The following NTM variants were observed in gnomAD, a reference collection of about 807,000 sequenced individuals.
The protein encoded by NTM is IgLON family member 2.
NTM carries 13 observed loss-of-function variants against 42.1 expected under a neutral mutation model. That is an observed-to-expected ratio of 0.31 (90% CI 0.20 to 0.49). The LOEUF is 0.49. NTM is among the 20% of genes least tolerant of loss of function. NTM has a pLI of 0.99. For missense variants in NTM, 373 were observed against 452.8 expected, an observed-to-expected ratio of 0.82 and a Z score of 1.60; for synonymous variants, 187 against 179.2, an observed-to-expected ratio of 1.04 and a Z score of -0.35.
At chr11:131,892,817 G>C (rs1057305656) in intron 1 of NTM, among the ~76,000 whole-genome samples, 1 of 152,242 alleles carries the variant, frequency 6.6e-6, no homozygotes, top group Non-Finnish European at 1.5e-5. Flanking sequence ...AATCCACTGT[G>C]AAGCGGGGCA....
At chr11:131,613,707 G>A (rs1333803747) in intron 1 of NTM, among the ~76,000 whole-genome samples, 2 of 152,140 alleles carry the variant, frequency 1.3e-5, no homozygotes, top group Non-Finnish European at 2.9e-5. Context: ...ACTACTGAGA[G>A]GTGGAACCAG....
At chr11:132,009,535 A>G (rs545787806) in intron 2 of NTM, among the ~76,000 whole-genome samples, 1 of 152,356 alleles carries the variant, frequency 6.6e-6, no homozygotes, top group South Asian at 2.1e-4. Flanking sequence ...TGGCTGTGCC[A>G]TCCCGGCAGC....
At chr11:131,453,724 G>C (rs765587671) in intron 1 of NTM, among the ~76,000 whole-genome samples, 2 of 152,138 alleles carry the variant, frequency 1.3e-5, no homozygotes, top group South Asian at 2.1e-4. Flanking sequence ...CAGCTTCCAC[G>C]TCCATATGGA....
intron 4 of NTM, among the ~76,000 whole-genome samples, chr11:132,230,188 T>G (rs1368796807): frequency 1.3e-5 from 2 of 152,102 alleles, no homozygotes; most frequent in Non-Finnish European, 2.9e-5. Flanking sequence ...AAGGGATTGA[T>G]TGGAGGGGGA....
chr11:131,634,183 A>T (rs1241391099), intron 1 of NTM, among the ~76,000 whole-genome samples: 1 of 152,152 alleles, frequency 6.6e-6, no homozygotes, highest in Non-Finnish European at 1.5e-5. Flanking sequence ...ATATGTTATG[A>T]GTTGTAGATC....
chr11:131,546,021 A>C, intron 1 of NTM, among the ~76,000 whole-genome samples: 1 of 152,082 alleles, frequency 6.6e-6, no homozygotes, highest in Admixed American at 6.6e-5. Flanking sequence ...TACCTAATAC[A>C]CTGCTGTGGA....
chr11:131,374,322 C>A (rs1352006476), intron 1 of NTM, among the ~76,000 whole-genome samples: 3 of 152,224 alleles, frequency 2.0e-5, no homozygotes, highest in Non-Finnish European at 4.4e-5. Flanking sequence ...TCTGAGCATT[C>A]GCTCAAGCGT....
intron 1 of NTM, among the ~76,000 whole-genome samples, chr11:131,850,122 A>T (rs986841640): frequency 4.6e-5 from 7 of 151,840 alleles, no homozygotes; most frequent in African/African-American, 1.7e-4. Flanking sequence ...GTAGATGTAA[A>T]CACTTAATTA....
chr11:132,023,778 T>G lies in NTM; in HGVS notation c.167+112130T>G, dbSNP rs573804693. ...TTTGTTGTTGGTGGTGGTTTTGTTG[T>G]TGTTGGTGGTTTTGTTGTTGGTGGT... is the stretch of plus-strand genomic sequence containing the variant. On this transcript the variant is annotated intron_variant, in intron 2 of 8. Transcript: ENST00000683400. 7.2e-4 allele frequency among the ~76,000 whole-genome samples: 69 copies of G among 95,542 alleles called. 2 individuals carry two copies. The highest frequency in any genetic ancestry group is 2.2e-3 in the African/African-American group (61 of 27,494). The allele number at this position is 95,542 out of a possible 152,430, so 62.7% of individuals were successfully genotyped here.
intron 1 of NTM, among the ~76,000 whole-genome samples, chr11:131,792,091 A>G (rs11607134): frequency 0.16 from 24,277 of 152,146 alleles, 1,954 homozygotes; most frequent in East Asian, 0.26. Context: ...TCTGTTTTAA[A>G]TAACTTTCAA....
At chr11:131,943,586 C>G (rs1302668137) in intron 2 of NTM, among the ~76,000 whole-genome samples, 1 of 152,222 alleles carries the variant, frequency 6.6e-6, no homozygotes, top group Non-Finnish European at 1.5e-5. Context: ...CAGGCTGTCA[C>G]TTCTACTTCT....
At chr11:132,276,027 C>T (rs554999641) in intron 4 of NTM, among the ~76,000 whole-genome samples, 13 of 151,916 alleles carry the variant, frequency 8.6e-5, no homozygotes, top group African/African-American at 2.7e-4. Flanking sequence ...AACGACTGTT[C>T]TACTGTTTCT....
rs1207413076 is a variant in NTM, at chr11:131,500,741, C to G, written c.82+129853C>G. 9.6e-5 allele frequency among the ~76,000 whole-genome samples: 9 copies of G among 94,096 alleles called. No homozygotes were observed. In the East Asian group the frequency reaches 1.2e-3, roughly 12 times the overall value. The allele number at this position is 94,096 out of a possible 152,430, so 61.7% of individuals were successfully genotyped here. Reference sequence around the variant, plus strand: ...TAATGCTATCCCTCCCCCCTCCCCCCACCCCACAACAGGCCTCGGTGTATG... The same window carrying G: ...TAATGCTATCCCTCCCCCCTCCCCCGACCCCACAACAGGCCTCGGTGTATG... On this transcript the variant is annotated intron_variant, in intron 1 of 8. Coordinates refer to ENST00000683400, the MANE Select transcript of NTM (RefSeq NM_001352005.2).
intron 1 of NTM, among the ~76,000 whole-genome samples, chr11:131,547,545 T>TTA (rs553490828): frequency 1.3e-4 from 20 of 152,162 alleles, no homozygotes; most frequent in African/African-American, 4.8e-4. Flanking sequence ...GTCCTGCTCT[T>TTA]CTTAGAGTCC....
At chr11:131,536,930 G>A (rs2052335240) in intron 1 of NTM, 1 of 152,200 alleles carries the variant, frequency 6.6e-6, no homozygotes, top group South Asian at 2.1e-4. Context: ...CCAGCCCAGA[G>A]GAAAGGTGAG....
intron 1 of NTM, among the ~76,000 whole-genome samples, chr11:131,424,618 T>TTTTTTTTTTTTTTTTTTTTTTG: frequency 6.9e-6 from 1 of 144,392 alleles, no homozygotes; most frequent in Admixed American, 7.0e-5. Context: ...TTTTTTTTTT[T>TTTTTTTTTTTTTTTTTTTTTTG]GGCGCAATCT....
chr11:131,727,946 G>A (rs566791872), intron 1 of NTM, among the ~76,000 whole-genome samples: 1 of 152,316 alleles, frequency 6.6e-6, no homozygotes, highest in South Asian at 2.1e-4. Flanking sequence ...TAAGCTGCAT[G>A]AGAGCAGGGC....
At chr11:131,798,337 T>C (rs1198255461) in intron 1 of NTM, among the ~76,000 whole-genome samples, 1 of 152,066 alleles carries the variant, frequency 6.6e-6, no homozygotes, top group Admixed American at 6.5e-5. Flanking sequence ...TTTTTTCTTC[T>C]CCTGCAAGGG....
intron 1 of NTM, among the ~76,000 whole-genome samples, chr11:131,505,522 T>TA (rs2047376591): frequency 6.6e-6 from 1 of 152,210 alleles, no homozygotes; most frequent in African/African-American, 2.4e-5. Context: ...TGCGATTATT[T>TA]ACCCCCTTTT....
Sources: gnomAD v4.1 joint callset for allele counts (sites outside exome capture counted in the v4.1 genomes callset) on GRCh38, gnomAD v4.1.1 for gene constraint, MANE v1.5 for transcripts, NCBI Gene and HGNC (gene_info 2026-07-23, HGNC 2026-07-21) for gene names.